TXNRD3: variants seen among roughly 807,000 people sequenced by gnomAD.
TXNRD3 encodes the protein TXNRD3 neighbor gene protein.
Under a neutral mutation model 78.2 loss-of-function variants are expected in TXNRD3, and 68 were observed. The observed-to-expected ratio is 0.87, with a 90% CI of 0.72 to 1.06. The LOEUF (loss-of-function observed/expected upper bound fraction) is 1.06, where lower values mean the gene tolerates loss of function less well. TXNRD3 is among the 50% of genes least tolerant of loss of function. The pLI is 0.00. For synonymous variants in TXNRD3, 296 were observed against 300.1 expected, an observed-to-expected ratio of 0.99 and a Z score of 0.14; for missense variants, 751 against 809.5, an observed-to-expected ratio of 0.93 and a Z score of 0.88.
Position 126,646,096 on chromosome 3 carries a change from T to C in TXNRD3, c.414+15A>G, listed in dbSNP as rs905460731. On this transcript the variant is annotated intron_variant, in intron 3 of 15. Coordinates refer to ENST00000524230, the MANE Select transcript of TXNRD3 (RefSeq NM_052883.3). ...TGAACAAACAGCATTGAAGAACATA[T>C]AATAGTATTATTACCTGGAAAGTTT... The C allele has an allele frequency of 6.7e-7, 1 of 1,497,522 alleles. No homozygotes were observed. Among genetic ancestry groups the C allele is most frequent in the Non-Finnish European group, 8.9e-7 (1 of 1,124,528 alleles). The allele number at this position is 1,497,522 out of a possible 1,614,324, so 92.8% of individuals were successfully genotyped here. A position where few individuals can be genotyped will look rare whatever the true frequency, so the allele number is the denominator to read the frequency against.
Position 126,644,372 on chromosome 3 carries a change from G to A in TXNRD3, c.444C>T (p.Leu148=), listed in dbSNP as rs951225041. The A allele has an allele frequency of 6.5e-7, 1 of 1,536,164 alleles. No homozygotes were observed. Among genetic ancestry groups the A allele is most frequent in the Middle Eastern group, 1.7e-4 (1 of 5,990 alleles). The change falls in exon 4 of 16, where the codon CTC becomes CTT. Residue 148 remains leucine (L), a synonymous_variant. Transcript: ENST00000524230. ...AATCATATGCCAAATCTTCCTGAAG[G>A]AGCTTCTGTAACAAACCACTCTGAT...
In TXNRD3 at chr3:126,615,366, C is replaced by CT; in HGVS notation, c.1620dup (p.Glu541ArgfsTer14). 1 of 1,462,342 alleles carries CT rather than the reference C, an allele frequency of 6.8e-7. No individual in the cohort carries two copies. The highest frequency in any genetic ancestry group is 1.3e-5 in the South Asian group (1 of 74,202). The allele number at this position is 1,462,342 out of a possible 1,614,324, so 90.6% of individuals were successfully genotyped here. On this transcript the variant is annotated frameshift_variant, in exon 13 of 16. Coordinates refer to ENST00000524230, the MANE Select transcript of TXNRD3 (RefSeq NM_052883.3). LOFTEE classifies it high-confidence loss of function. ...AAACACAATCTTACTTCTAGATTCT[C>CT]TTTTTTATATACTTCAATAGCTTTC...
chr3:126,622,452 C>T lies in TXNRD3; in HGVS notation c.1367+12G>A, dbSNP rs985719861. 4.6e-6 allele frequency: 7 copies of T among 1,529,816 alleles called. No individual in the cohort carries two copies. The South Asian group carries it at 7.2e-5, about 16-fold the overall frequency. The allele number at this position is 1,529,816 out of a possible 1,614,324, so 94.8% of individuals were successfully genotyped here. A position where few individuals can be genotyped will look rare whatever the true frequency, so the allele number is the denominator to read the frequency against. ...TTGTGCAGCAACAGTGCAGTGATCC[C>T]AATATACTTACTTCTCATTAATTTT... On this transcript the variant is annotated intron_variant, in intron 11 of 15. Coordinates refer to ENST00000524230, the MANE Select transcript of TXNRD3 (RefSeq NM_052883.3).
At chr3:126,641,987 AT>A (rs1479297363) in intron 6 of TXNRD3, 44 bp downstream of exon 6, 2 of 1,474,294 alleles carry the variant, frequency 1.4e-6, no homozygotes, top group Non-Finnish European at 1.8e-6. Context: ...TAAAAAACTC[AT>A]TTTTTCTTTT....
At chr3:126,619,432 T>C (rs1015937292) in intron 12 of TXNRD3, among the ~76,000 whole-genome samples, 15 of 152,278 alleles carry the variant, frequency 9.9e-5, no homozygotes, top group Middle Eastern at 3.4e-3. Context: ...CTGGAAGACA[T>C]TGTATTAAGT....
At chr3:126,650,585 G>C (rs942218429) in intron 1 of TXNRD3, among the ~76,000 whole-genome samples, 1 of 151,556 alleles carries the variant, frequency 6.6e-6, no homozygotes, top group Non-Finnish European at 1.5e-5. Context: ...AAGTTGCAGT[G>C]AGCCAAGATC....
chr3:126,652,363 A>T (rs898057524), intron 1 of TXNRD3, among the ~76,000 whole-genome samples: 1 of 152,166 alleles, frequency 6.6e-6, no homozygotes, highest in African/African-American at 2.4e-5. Context: ...TTCATCTCCC[A>T]CCAGGCCTCA....
chr3:126,653,866 G>T (rs1933445734), intron 1 of TXNRD3, among the ~76,000 whole-genome samples: 1 of 152,100 alleles, frequency 6.6e-6, no homozygotes, highest in Non-Finnish European at 1.5e-5. Context: ...ATGAACCCCA[G>T]CTACAGATAC....
At chr3:126,646,026 C>T in intron 3 of TXNRD3, 85 bp downstream of exon 3, 4 of 976,322 alleles carry the variant, frequency 4.1e-6, no homozygotes, top group Non-Finnish European at 5.8e-6. Flanking sequence ...GATGAGTGGA[C>T]TCCTAAAAAC....
In TXNRD3 at chr3:126,630,760, G is replaced by A. The variant is rs1023815932; in HGVS notation, c.1149C>T (p.Tyr383=). The A allele has an allele frequency of 1.3e-6, 2 of 1,534,388 alleles. No homozygotes were observed. Among genetic ancestry groups the A allele is most frequent in the African/African-American group, 2.7e-5 (2 of 72,968 alleles). Residue 383 remains tyrosine, a synonymous_variant, in exon 9 of 16, where the codon TAC becomes TAT. Coordinates refer to ENST00000524230, the MANE Select transcript of TXNRD3 (RefSeq NM_052883.3). ...GGAACTTCACACCATGCTGCTCCAT[G>A]TAGGAACCCACTTTTTCTGCCATTT... is the stretch of plus-strand genomic sequence containing the variant.
rs1013590503 is a variant in TXNRD3 at position 126,609,194 on chromosome 3, G to C, written c.1729-561C>G. ...TTTCCACGGTAACGGTGCATTCTAG[G>C]CTGTCCATTTGTCAATGTTCCTTCA... is the stretch of plus-strand genomic sequence containing the variant. On this transcript the variant is annotated intron_variant, in intron 14 of 15. Coordinates refer to ENST00000524230, the MANE Select transcript of TXNRD3 (RefSeq NM_052883.3). 3 of 430,856 alleles carry C rather than the reference G, an allele frequency of 7.0e-6. No individual in the cohort carries two copies. In the East Asian group the frequency reaches 2.2e-4, roughly 31 times the overall value. The allele number at this position is 430,856 out of a possible 1,614,324, so 26.7% of individuals were successfully genotyped here. A position where few individuals can be genotyped will look rare whatever the true frequency, so the allele number is the denominator to read the frequency against.
chr3:126,651,954 TAAAAGG>T (rs996378707), intron 1 of TXNRD3, among the ~76,000 whole-genome samples: 19 of 152,220 alleles, frequency 1.2e-4, no homozygotes, highest in African/African-American at 4.6e-4. Context: ...AAGCAAGCCA[TAAAAGG>T]AAAAGAACGA....
intron 1 of TXNRD3, among the ~76,000 whole-genome samples, chr3:126,648,604 CT>C (rs1382597885): frequency 6.6e-6 from 1 of 152,178 alleles, no homozygotes; most frequent in African/African-American, 2.4e-5. Context: ...AAAGGAGAGT[CT>C]TTTCAACAAA....
chr3:126,622,581 C>T (rs769891337), intron 10 of TXNRD3, 41 bp from the exon 11 acceptor site: 18 of 1,445,450 alleles, frequency 1.2e-5, no homozygotes, highest in East Asian at 2.5e-5. Context: ...TTATCCATAT[C>T]GGGAATGAAA....
At position 126,611,139 on chromosome 3, in the gene TXNRD3, G is replaced by C; in HGVS notation, c.1633-7C>G. The C allele has an allele frequency of 6.7e-7, 1 of 1,494,132 alleles. No homozygotes were observed. Among genetic ancestry groups the C allele is most frequent in the Non-Finnish European group, 8.9e-7 (1 of 1,123,326 alleles). The allele number at this position is 1,494,132 out of a possible 1,614,324, so 92.6% of individuals were successfully genotyped here. A position where few individuals can be genotyped will look rare whatever the true frequency, so the allele number is the denominator to read the frequency against. ...AGAACAAAGTATGATATATCTGGAA[G>C]ATAAAAGAGAGAAAAAGGGCAGAAT... is the stretch of plus-strand genomic sequence containing the variant. On this transcript the variant is annotated splice_region_variant and splice_polypyrimidine_tract_variant and intron_variant, in intron 13 of 15. Transcript: ENST00000524230.
intron 2 of TXNRD3, 86 bp from the exon 3 acceptor site, chr3:126,646,306 G>A: frequency 9.2e-7 from 1 of 1,084,532 alleles, no homozygotes; most frequent in Non-Finnish European, 1.3e-6. Flanking sequence ...ACACTCAAAT[G>A]TTCACATGTA....
intron 1 of TXNRD3, among the ~76,000 whole-genome samples, chr3:126,649,514 A>G (rs924639113): frequency 6.6e-6 from 1 of 152,258 alleles, no homozygotes; most frequent in Non-Finnish European, 1.5e-5. Flanking sequence ...AGGAACTGAA[A>G]GCAGAGACTC....
chr3:126,643,319 T>C (rs1173474672), intron 5 of TXNRD3, among the ~76,000 whole-genome samples: 1 of 152,222 alleles, frequency 6.6e-6, no homozygotes, highest in Non-Finnish European at 1.5e-5. Flanking sequence ...ACAAAATCTA[T>C]GTGCTCTTTT....
chr3:126,642,192 A>C (rs1933107468), intron 5 of TXNRD3, 41 bp from the exon 6 acceptor site: 1 of 1,511,864 alleles, frequency 6.6e-7, no homozygotes, highest in African/African-American at 1.4e-5. Flanking sequence ...TTGTGTGTCT[A>C]GTTTCACACA....
Sources: gnomAD v4.1 joint callset for allele counts (sites outside exome capture counted in the v4.1 genomes callset) on GRCh38, gnomAD v4.1.1 for gene constraint, MANE v1.5 for transcripts, NCBI Gene and HGNC (gene_info 2026-07-23, HGNC 2026-07-21) for gene names.